The following WNT5A variants were observed in gnomAD, a reference collection of about 807,000 sequenced individuals.
WNT5A encodes the protein protein Wnt-5a.
WNT5A carries 9 observed loss-of-function variants against 42.1 expected under a neutral mutation model. The observed-to-expected ratio is 0.21, with a 90% CI of 0.13 to 0.37. The LOEUF is 0.37. WNT5A is among the 10% of genes least tolerant of loss of function. The pLI is 1.00. For synonymous variants in WNT5A, 210 were observed against 210.0 expected (o/e 1.00, Z 0.00); for missense variants, 426 against 534.0 (o/e 0.80, Z 1.99).
chr3:55,474,044 A>G, intron 4 of WNT5A, among the ~76,000 whole-genome samples: 1 of 152,062 alleles, frequency 6.6e-6, no homozygotes, highest in South Asian at 2.1e-4. Context: ...GCAACTATGG[A>G]GACAGATGGA....
the WNT5A span, among the ~76,000 whole-genome samples, chr3:55,495,585 T>C: frequency 2.6e-5 from 4 of 152,200 alleles, no homozygotes; most frequent in South Asian, 2.1e-4. Flanking sequence ...TCAATTCCCA[T>C]TGATGAACAC....
the WNT5A span, among the ~76,000 whole-genome samples, chr3:55,502,211 T>C: frequency 6.6e-6 from 1 of 152,168 alleles, no homozygotes; most frequent in Non-Finnish European, 1.5e-5. Context: ...AAATTCCAAT[T>C]CTGTCTCCTA....
rs1293940385 is a variant in WNT5A at position 55,467,901 on chromosome 3, A to C, written c.*2191T>G. 2 of 152,198 alleles carry C rather than the reference A, an allele frequency of 1.3e-5. No individual in the cohort carries two copies. Among genetic ancestry groups the C allele is most frequent in the Non-Finnish European group, 1.5e-5 (1 of 68,022 alleles). The allele number at this position is 152,198 out of a possible 1,614,324, so 9.4% of individuals were successfully genotyped here. A position where few individuals can be genotyped will look rare whatever the true frequency, so the allele number is the denominator to read the frequency against. Reference sequence around the variant, plus strand: ...GTATAATAAAAACCAAAAAAGTGACATTTTAAACTAATTAGTGCTTTTTGC... The same window carrying C: ...GTATAATAAAAACCAAAAAAGTGACCTTTTAAACTAATTAGTGCTTTTTGC... On this transcript the variant is annotated 3_prime_UTR_variant, in exon 5 of 5. Coordinates refer to ENST00000264634, the MANE Select transcript of WNT5A (RefSeq NM_003392.7).
the WNT5A span, among the ~76,000 whole-genome samples, chr3:55,496,221 C>G: frequency 6.6e-6 from 1 of 152,194 alleles, no homozygotes; most frequent in Non-Finnish European, 1.5e-5. Flanking sequence ...CCCAAAATCT[C>G]TCAATGAATC....
At position 55,470,202 on chromosome 3, in the gene WNT5A, C is replaced by G. The variant is rs1407280678; in HGVS notation, c.1033G>C (p.Asp345His). The change falls in exon 5 of 5, where the codon GAC becomes CAC. Residue 345 changes from aspartate (D) to histidine (H), a missense_variant. Physicochemically the swap from Asp to His is moderately conservative, Grantham distance 81 (BLOSUM62 -1). This residue lies in a region of WNT5A where 358 missense variants were observed against 468.1 expected (regional missense o/e 0.76). Transcript: ENST00000264634. ...CELMCCGRGY[D>H]QFKTVQTERC... is the part of the protein sequence containing the mutation. ...TCCGTCTGCACGGTCTTGAACTGGT[C>G]GTAGCCACGGCCGCAGCACATGAGC... 1.1e-5 allele frequency: 18 copies of G among 1,613,914 alleles called. No homozygotes were observed. The highest frequency in any genetic ancestry group is 1.5e-5 in the Non-Finnish European group (18 of 1,179,958).
chr3:55,495,915 A>G, the WNT5A span, among the ~76,000 whole-genome samples: 1 of 152,244 alleles, frequency 6.6e-6, no homozygotes, highest in East Asian at 1.9e-4. Flanking sequence ...GAGTTTAGTC[A>G]TTTAGTAAGT....
upstream of WNT5A, among the ~76,000 whole-genome samples, chr3:55,488,563 ACT>A (rs774208087): frequency 7.1e-4 from 107 of 151,602 alleles, no homozygotes; most frequent in African/African-American, 1.6e-3. Context: ...CCTATGACAA[ACT>A]CTGCAGGATT....
upstream of WNT5A, among the ~76,000 whole-genome samples, chr3:55,491,625 C>G (rs189821059): frequency 1.3e-5 from 2 of 152,204 alleles, no homozygotes; most frequent in South Asian, 2.1e-4. Context: ...ATCTACCCCC[C>G]TTTTATGCCC....
At chr3:55,486,873 C>T in intron 1 of WNT5A, 107 bp downstream of exon 1, 2 of 823,106 alleles carry the variant, frequency 2.4e-6, no homozygotes, top group Non-Finnish European at 4.2e-6. Flanking sequence ...CTTCTTCAGG[C>T]GGTTGGGGAA....
the WNT5A span, among the ~76,000 whole-genome samples, chr3:55,503,057 G>A: frequency 6.6e-6 from 1 of 152,226 alleles, no homozygotes; most frequent in Non-Finnish European, 1.5e-5. Flanking sequence ...GGAAGTACAA[G>A]TGGTAATTAT....
upstream of WNT5A, among the ~76,000 whole-genome samples, chr3:55,494,548 T>C (rs2051694600): frequency 6.6e-6 from 1 of 152,212 alleles, no homozygotes; most frequent in Non-Finnish European, 1.5e-5. Flanking sequence ...TTACTTTTTT[T>C]CTTTTTTTTG....
the WNT5A span, among the ~76,000 whole-genome samples, chr3:55,497,930 A>C: frequency 1.3e-5 from 2 of 152,208 alleles, no homozygotes; most frequent in Non-Finnish European, 2.9e-5. Flanking sequence ...GAGCAGTGAG[A>C]GAGAATTACA....
chr3:55,499,792 T>A, the WNT5A span, among the ~76,000 whole-genome samples: 3 of 151,998 alleles, frequency 2.0e-5, no homozygotes, highest in East Asian at 5.8e-4. Flanking sequence ...CTGGCTAACA[T>A]TGTGAAACCC....
At chr3:55,481,022 G>C in intron 1 of WNT5A, 104 bp from the exon 2 acceptor site, 2 of 1,190,800 alleles carry the variant, frequency 1.7e-6, no homozygotes, top group Non-Finnish European at 2.2e-6. Flanking sequence ...GTTTACTGTT[G>C]ATTGACTGCG....
the WNT5A span, among the ~76,000 whole-genome samples, chr3:55,504,208 G>A: frequency 6.6e-6 from 1 of 152,168 alleles, no homozygotes; most frequent in East Asian, 1.9e-4. Flanking sequence ...GGCGGAGGTT[G>A]CAGCAAGCCA....
intron 1 of WNT5A, among the ~76,000 whole-genome samples, chr3:55,485,999 T>C (rs56031929): frequency 0.17 from 26,349 of 152,140 alleles, 2,689 homozygotes; most frequent in Non-Finnish European, 0.24. Flanking sequence ...GGAGGACAGA[T>C]AAGAAAAATT....
Position 55,487,038 on chromosome 3 carries a change from G to A in WNT5A, c.-53C>T, listed in dbSNP as rs1015298586. 73 of 1,593,574 alleles carry A rather than the reference G, an allele frequency of 4.6e-5. No homozygotes were observed. The highest frequency in any genetic ancestry group is 1.7e-4 in the Middle Eastern group (1 of 5,804). ...AGTCGCCACCCGAGCGAGCGCAGCCGAGGAATCCGAGCGGAGCGACCGGGT... is the reference window on the plus strand; with the variant it reads ...AGTCGCCACCCGAGCGAGCGCAGCCAAGGAATCCGAGCGGAGCGACCGGGT... On this transcript the variant is annotated 5_prime_UTR_variant, in exon 1 of 5. Transcript: ENST00000264634.
chr3:55,481,324 C>T (rs2051457615), intron 1 of WNT5A: 1 of 988,442 alleles, frequency 1.0e-6, no homozygotes, highest in Non-Finnish European at 1.2e-6. Context: ...TCCGTCCTCT[C>T]CCCAACCTGG....
Position 55,480,804 on chromosome 3 carries a change from T to C in WNT5A, c.121A>G (p.Ile41Val). 1 of 1,569,768 alleles carries C rather than the reference T, an allele frequency of 6.4e-7. No homozygotes were observed. The highest frequency in any genetic ancestry group is 1.2e-5 in the South Asian group (1 of 83,892). ...ACTTACCACCAAGAATTGGCTTCAA[T>C]TACAACCTGGGCGAAGGAGAAAAAT... is the stretch of plus-strand genomic sequence containing the variant. ...AIFFSFAQVVIEANSWWSLGM... is the reference protein window; with the variant it reads ...AIFFSFAQVVVEANSWWSLGM... Residue 41 changes from isoleucine to valine, a missense_variant, in exon 2 of 5, where the codon ATT becomes GTT. Transcript: ENST00000264634.
Sources: allele counts gnomAD v4.1 joint callset (sites outside exome capture counted in the v4.1 genomes callset), GRCh38; gene constraint gnomAD v4.1.1; regional missense constraint gnomAD v4.1.1; transcripts MANE v1.5; gene names NCBI Gene and HGNC (gene_info 2026-07-23, HGNC 2026-07-21).